TSPAN9: variants seen among roughly 807,000 people sequenced by gnomAD.
The protein encoded by TSPAN9 is tetraspanin 9, also known as tetraspanin-9.
A neutral mutation model predicts 31.0 loss-of-function variants in TSPAN9; 16 were observed. That is an observed-to-expected ratio of 0.52 (90% confidence interval 0.35 to 0.78). TSPAN9 has a LOEUF of 0.78. TSPAN9 is among the 30% of genes least tolerant of loss of function. TSPAN9 has a pLI of 0.01. For synonymous variants in TSPAN9, 145 were observed against 121.6 expected (o/e 1.19, Z -1.27); for missense variants, 272 against 312.5 (o/e 0.87, Z 0.98).
intron 3 of TSPAN9, among the ~76,000 whole-genome samples, chr12:3,220,850 G>A (rs2098384120): frequency 1.3e-5 from 2 of 152,210 alleles, no homozygotes; most frequent in South Asian, 4.2e-4. Context: ...CAGAGGACAG[G>A]GCCCTTCCTA....
intron 3 of TSPAN9, among the ~76,000 whole-genome samples, chr12:3,244,753 A>G (rs2098398564): frequency 6.6e-6 from 1 of 152,132 alleles, no homozygotes. Context: ...TGTGGGGGCC[A>G]GAGCTCAGCA....
chr12:3,141,669 G>GCGGT (rs1394543764), intron 2 of TSPAN9, among the ~76,000 whole-genome samples: 3 of 152,172 alleles, frequency 2.0e-5, no homozygotes, highest in African/African-American at 7.2e-5. Flanking sequence ...CTAGATGGTG[G>GCGGT]CACCCCAGAG....
At chr12:3,081,999 T>TA (rs34955187) in intron 1 of TSPAN9, among the ~76,000 whole-genome samples, 11 of 146,830 alleles carry the variant, frequency 7.5e-5, no homozygotes, top group African/African-American at 2.0e-4. Context: ...TTCTGTCTCT[T>TA]AAAAAAAAAA....
intron 2 of TSPAN9, among the ~76,000 whole-genome samples, chr12:3,113,865 T>G (rs1198910128): frequency 6.6e-6 from 1 of 152,228 alleles, no homozygotes; most frequent in Non-Finnish European, 1.5e-5. Context: ...AGGCAAGTCC[T>G]TCTGCAGGGA....
At chr12:3,262,957 T>A (rs1198094060) in intron 3 of TSPAN9, among the ~76,000 whole-genome samples, 1 of 152,164 alleles carries the variant, frequency 6.6e-6, no homozygotes, top group Non-Finnish European at 1.5e-5. Flanking sequence ...CCAGGGCCTT[T>A]GACCATGATG....
At chr12:3,263,887 G>A (rs1305843923) in intron 3 of TSPAN9, among the ~76,000 whole-genome samples, 2 of 152,230 alleles carry the variant, frequency 1.3e-5, no homozygotes, top group East Asian at 3.8e-4. Context: ...GCAAAGGGAA[G>A]AGGAAGGCTT....
intron 3 of TSPAN9, among the ~76,000 whole-genome samples, chr12:3,267,378 T>A (rs894601269): frequency 3.3e-5 from 5 of 152,224 alleles, no homozygotes; most frequent in African/African-American, 1.2e-4. Flanking sequence ...CTCTTCTCTC[T>A]CTGGTTTATC....
chr12:3,194,517 G>A (rs2098366146), intron 2 of TSPAN9, among the ~76,000 whole-genome samples: 1 of 152,142 alleles, frequency 6.6e-6, no homozygotes, highest in Non-Finnish European at 1.5e-5. Context: ...CTCCTGAGTA[G>A]CTGGGACTAC....
At chr12:3,272,274 AG>A (rs1314402332) in intron 3 of TSPAN9, among the ~76,000 whole-genome samples, 1 of 152,138 alleles carries the variant, frequency 6.6e-6, no homozygotes, top group Non-Finnish European at 1.5e-5. Context: ...GGAGTGGGGA[AG>A]ACGGGGTGAA....
chr12:3,120,399 G>A (rs924836085), intron 2 of TSPAN9, among the ~76,000 whole-genome samples: 1 of 152,082 alleles, frequency 6.6e-6, no homozygotes, highest in Admixed American at 6.5e-5. Flanking sequence ...CCTCTGTCTG[G>A]GGACCCTTGT....
At chr12:3,105,368 C>T (rs1326022948) in intron 2 of TSPAN9, among the ~76,000 whole-genome samples, 1 of 150,980 alleles carries the variant, frequency 6.6e-6, no homozygotes, top group Non-Finnish European at 1.5e-5. Flanking sequence ...TTCAGAACGT[C>T]ACTTCCATAA....
At chr12:3,113,599 T>C (rs1420203143) in intron 2 of TSPAN9, among the ~76,000 whole-genome samples, 1 of 152,236 alleles carries the variant, frequency 6.6e-6, no homozygotes, top group Non-Finnish European at 1.5e-5. Context: ...CATCTTAGGC[T>C]GCCTGGTGTG....
chr12:3,118,255 C>CGTTTTTTTTTTTTT (rs2098323365), intron 2 of TSPAN9, among the ~76,000 whole-genome samples: 1 of 20,116 alleles, frequency 5.0e-5, no homozygotes, highest in Non-Finnish European at 1.6e-4. Context: ...CTGCACCCGC[C>CGTTTTTTTTTTTTT]GTTTTTTTTT....
chr12:3,192,330 G>A lies in TSPAN9; in HGVS notation c.-17-8847G>A, dbSNP rs1010538890. On this transcript the variant is annotated intron_variant, in intron 2 of 8. Coordinates refer to ENST00000011898, the MANE Select transcript of TSPAN9 (RefSeq NM_006675.5). This position sits in a 1 kb window ranked among gnomAD's most constrained non-coding sequence, Gnocchi z 4.6. Reference sequence around the variant, plus strand: ...TGCTCTTGGTGAATGGGTGGGCGCAGGAGGGAATGGAAGGCTGCAGGGGCT... The same window carrying A: ...TGCTCTTGGTGAATGGGTGGGCGCAAGAGGGAATGGAAGGCTGCAGGGGCT... Among the ~76,000 whole-genome samples, 1 of 152,166 alleles carries A rather than the reference G, an allele frequency of 6.6e-6. No individual in the cohort carries two copies. Among genetic ancestry groups the A allele is most frequent in the Non-Finnish European group, 1.5e-5 (1 of 68,036 alleles).
chr12:3,209,726 G>A (rs11835088), intron 3 of TSPAN9, among the ~76,000 whole-genome samples: 17 of 152,066 alleles, frequency 1.1e-4, no homozygotes, highest in South Asian at 4.2e-4. Flanking sequence ...TTGGGAGGCC[G>A]AGGCGGGCGG....
chr12:3,210,197 G>A (rs1452878069), intron 3 of TSPAN9, among the ~76,000 whole-genome samples: 1 of 152,000 alleles, frequency 6.6e-6, no homozygotes, highest in East Asian at 1.9e-4. Context: ...ACACCTTGAG[G>A]AGCACTGCTC....
chr12:3,222,103 G>C (rs1487783357), intron 3 of TSPAN9, among the ~76,000 whole-genome samples: 1 of 152,174 alleles, frequency 6.6e-6, no homozygotes, highest in Admixed American at 6.5e-5. Context: ...ACCCACACAG[G>C]GTTCTCTAAC....
In TSPAN9 at chr12:3,170,995, C is replaced by T. The variant is rs1393468498; in HGVS notation, c.-17-30182C>T. 6.6e-6 allele frequency among the ~76,000 whole-genome samples: 1 copy of T among 152,210 alleles called. No individual in the cohort carries two copies. The highest frequency in any genetic ancestry group is 1.5e-5 in the Non-Finnish European group (1 of 68,036). On this transcript the variant is annotated intron_variant, in intron 2 of 8. Transcript: ENST00000011898. This position sits in a 1 kb window ranked among gnomAD's most constrained non-coding sequence, Gnocchi z 4.4. Reference sequence around the variant, plus strand: ...CCCACTCCTGTGTTCCTTTGTAGATCAACCAGGATTCTTCCTCCTTTTGCT... The same window carrying T: ...CCCACTCCTGTGTTCCTTTGTAGATTAACCAGGATTCTTCCTCCTTTTGCT...
chr12:3,141,200 A>G (rs571611425), intron 2 of TSPAN9, among the ~76,000 whole-genome samples: 2 of 152,186 alleles, frequency 1.3e-5, no homozygotes, highest in East Asian at 3.9e-4. Context: ...GAGGAAGTCT[A>G]AAGGAATCTT....
Sources: allele counts gnomAD v4.1 joint callset (sites outside exome capture counted in the v4.1 genomes callset), GRCh38; gene constraint gnomAD v4.1.1; non-coding constraint Gnocchi (gnomAD v3.1); transcripts MANE v1.5; gene names NCBI Gene and HGNC (gene_info 2026-07-23, HGNC 2026-07-21).